Variants in CLTCL1 observed in about 807,000 individuals in gnomAD.
CLTCL1 encodes the protein clathrin heavy chain like 1.
Under a neutral mutation model 190.0 loss-of-function variants are expected in CLTCL1, and 159 were observed. The observed-to-expected ratio is 0.84, with a 90% CI of 0.74 to 0.95. The LOEUF is 0.95. Among genes scored for constraint, CLTCL1 ranks in the 40% least tolerant of loss-of-function variants. CLTCL1 has a pLI of 0.00. For synonymous variants in CLTCL1, 752 were observed against 769.6 expected, an observed-to-expected ratio of 0.98 and a Z score of 0.38; for missense variants, 1,878 against 2,033.4, an observed-to-expected ratio of 0.92 and a Z score of 1.47.
chr22:19,231,277 G>A (rs2085912341), intron 10 of CLTCL1, among the ~76,000 whole-genome samples: 1 of 152,290 alleles, frequency 6.6e-6, no homozygotes, highest in South Asian at 2.1e-4. Flanking sequence ...CTAGGCTGAA[G>A]CAGTGACAAG....
chr22:19,199,606 A>C, intron 24 of CLTCL1, 128 bp downstream of exon 24: 1 of 620,634 alleles, frequency 1.6e-6, no homozygotes, highest in Non-Finnish European at 2.8e-6. Context: ...TCTTCCCCTC[A>C]GGGCCATGCT....
intron 2 of CLTCL1, chr22:19,258,589 G>A (rs1555973956): frequency 3.3e-6 from 2 of 611,726 alleles, no homozygotes; most frequent in Admixed American, 2.1e-5. Flanking sequence ...GAGGGACAGC[G>A]CCAGGCCCAG....
chr22:19,183,239 A>G (rs1304414475), intron 30 of CLTCL1, 151 bp downstream of exon 30: 3 of 644,712 alleles, frequency 4.7e-6, no homozygotes, highest in Non-Finnish European at 8.2e-6. Flanking sequence ...AGCATGAAGG[A>G]AAGCAGCCAC....
chr22:19,179,881 C>T lies in CLTCL1; in HGVS notation c.*109G>A, dbSNP rs1473317400. 1.3e-5 allele frequency: 5 copies of T among 396,406 alleles called. No homozygotes were observed. Among genetic ancestry groups the T allele is most frequent in the Non-Finnish European group, 1.8e-5 (4 of 217,128 alleles). The allele number at this position is 396,406 out of a possible 1,614,324, so 24.6% of individuals were successfully genotyped here. On this transcript the variant is annotated 3_prime_UTR_variant, in exon 33 of 33. Coordinates refer to ENST00000427926, the MANE Select transcript of CLTCL1 (RefSeq NM_007098.4). ...GTGGGTGGTGACAACGCCCACTACA[C>T]GCGGAAGTTGTACATTGGAGGCTGG...
intron 2 of CLTCL1, chr22:19,258,309 G>A (rs1259297372): frequency 1.0e-5 from 4 of 391,662 alleles, no homozygotes; most frequent in Admixed American, 9.9e-5. Context: ...GAAGAACCTA[G>A]AGAAGCTGGA....
Position 19,242,906 on chromosome 22 carries a change from A to G in CLTCL1, c.550T>C (p.Tyr184His). The G allele has an allele frequency of 6.2e-7, 1 of 1,613,970 alleles. No homozygotes were observed. Among genetic ancestry groups the G allele is most frequent in the Non-Finnish European group, 8.5e-7 (1 of 1,179,872 alleles). The change falls in exon 4 of 33, where the codon TAC (tyrosine) becomes CAC (histidine). Residue 184 changes from tyrosine (Y) to histidine (H), a missense_variant. Transcript: ENST00000427926. ...TGTGAAACCTTCCTATCCACAGAGT[A>G]GAGCTGCATTGCTCCAACCACACGG... ...QNRVVGAMQL[Y>H]SVDRKVSQPI...
intron 1 of CLTCL1, among the ~76,000 whole-genome samples, chr22:19,281,213 T>G (rs1316692801): frequency 6.7e-6 from 1 of 149,554 alleles, no homozygotes; most frequent in Non-Finnish European, 1.5e-5. Flanking sequence ...GAGAATGGCG[T>G]GAACCCAGGA....
At chr22:19,228,771 T>C (rs527945631) in intron 11 of CLTCL1, among the ~76,000 whole-genome samples, 1 of 152,206 alleles carries the variant, frequency 6.6e-6, no homozygotes, top group Non-Finnish European at 1.5e-5. Context: ...TAAATCCCTT[T>C]CTTGTATATA....
chr22:19,244,203 T>C (rs1184909824), intron 3 of CLTCL1, among the ~76,000 whole-genome samples: 4 of 152,198 alleles, frequency 2.6e-5, no homozygotes, highest in East Asian at 3.8e-4. Flanking sequence ...TAAAATGGGA[T>C]AACAAAGGCT....
chr22:19,216,209 C>T lies in CLTCL1; in HGVS notation c.2967G>A (p.Ser989=), dbSNP rs781841344. 1.9e-5 allele frequency: 31 copies of T among 1,613,806 alleles called. No homozygotes were observed. The highest frequency in any genetic ancestry group is 5.5e-5 in the South Asian group (5 of 91,078). The change falls in exon 19 of 33, where the codon TCG becomes TCA. Residue 989 remains serine (S), a synonymous_variant. Coordinates refer to ENST00000427926, the MANE Select transcript of CLTCL1 (RefSeq NM_007098.4). ...LSETRDPEEI[S]VTVKAFMTAD... ...CTGTCATAAAGGCTTTGACAGTGAC[C>T]GAAATCTCTTCAGGATCCCGTGTTT...
chr22:19,267,274 T>C (rs1238000753), intron 2 of CLTCL1, among the ~76,000 whole-genome samples: 1 of 152,176 alleles, frequency 6.6e-6, no homozygotes, highest in Non-Finnish European at 1.5e-5. Flanking sequence ...CAAAGAAGTA[T>C]AGGATTTGCT....
chr22:19,181,065 G>C, intron 30 of CLTCL1: 1 of 536,716 alleles, frequency 1.9e-6, no homozygotes, highest in Admixed American at 3.2e-5. Flanking sequence ...GTGGGCACTG[G>C]GGCAGTCAGT....
At chr22:19,184,548 C>T (rs2084249264) in intron 29 of CLTCL1, 1 of 455,928 alleles carries the variant, frequency 2.2e-6, no homozygotes. Context: ...TACAAAGGCA[C>T]CAGGATTCTG....
chr22:19,208,032 G>A, intron 22 of CLTCL1, 122 bp downstream of exon 22: 1 of 1,209,100 alleles, frequency 8.3e-7, no homozygotes. Context: ...CCTGTCTGTG[G>A]AAAAACTGTC....
intron 14 of CLTCL1, 63 bp from the exon 15 acceptor site, chr22:19,222,872 C>G (rs2085620227): frequency 6.5e-7 from 1 of 1,549,678 alleles, no homozygotes; most frequent in African/African-American, 1.4e-5. Context: ...AGACCTCGGA[C>G]TCATTGCACA....
intron 3 of CLTCL1, among the ~76,000 whole-genome samples, chr22:19,245,255 G>A (rs1360383808): frequency 1.4e-5 from 2 of 147,462 alleles, no homozygotes; most frequent in South Asian, 2.2e-4. Flanking sequence ...GTGCAGTGGC[G>A]TGACCTCGGC....
chr22:19,182,880 C>T (rs1285693257), intron 30 of CLTCL1: 1 of 167,080 alleles, frequency 6.0e-6, no homozygotes, highest in Non-Finnish European at 1.3e-5. Context: ...CAATCAAGTA[C>T]TGTCACTTCG....
At chr22:19,286,584 G>A (rs868929737) in intron 1 of CLTCL1, among the ~76,000 whole-genome samples, 1 of 152,044 alleles carries the variant, frequency 6.6e-6, no homozygotes, top group Non-Finnish European at 1.5e-5. Flanking sequence ...TCCCTTTTTG[G>A]AGCATGACCC....
In CLTCL1 at chr22:19,252,826, A is replaced by C. The variant is rs137911621; in HGVS notation, c.519+1133T>G. Among the ~76,000 whole-genome samples the C allele has an allele frequency of 1.1e-3, 172 of 152,286 alleles. 6 individuals carry two copies. The East Asian group carries it at 0.031, about 27-fold the overall frequency. On this transcript the variant is annotated intron_variant, in intron 3 of 32. Coordinates refer to ENST00000427926, the MANE Select transcript of CLTCL1 (RefSeq NM_007098.4). ...TCAGGAGATCAAGGCCATCCTGGCTAACACGGAGAAACCCCATCTCTACTA... is the reference window on the plus strand; with the variant it reads ...TCAGGAGATCAAGGCCATCCTGGCTCACACGGAGAAACCCCATCTCTACTA...
Sources: gnomAD v4.1 joint callset for allele counts (sites outside exome capture counted in the v4.1 genomes callset) on GRCh38, gnomAD v4.1.1 for gene constraint, MANE v1.5 for transcripts, NCBI Gene and HGNC (gene_info 2026-07-23, HGNC 2026-07-21) for gene names.